Variants in RALYL observed in about 807,000 individuals in gnomAD.
RALYL encodes the protein RALY RNA binding protein like, also known as RNA-binding Raly-like protein.
Under a neutral mutation model 35.1 loss-of-function variants are expected in RALYL, and 29 were observed. The observed-to-expected ratio is 0.83, with a 90% CI of 0.61 to 1.13. The LOEUF (loss-of-function observed/expected upper bound fraction) is 1.13. Ranked by LOEUF, RALYL falls within the 50% of genes most tolerant of loss-of-function variation. The pLI, the probability that RALYL is intolerant of heterozygous loss-of-function variation, is 0.00. For missense variants in RALYL, 359 were observed against 360.4 expected (o/e 1.00, Z 0.03); for synonymous variants, 120 against 127.6 (o/e 0.94, Z 0.40).
chr8:84,340,564 T>C (rs185839234), intron 1 of RALYL, among the ~76,000 whole-genome samples: 3 of 152,262 alleles, frequency 2.0e-5, no homozygotes, highest in Admixed American at 1.3e-4. Flanking sequence ...CTTATTTTAC[T>C]TGGCATAATG....
At chr8:84,190,505 G>T (rs1012581154) in intron 1 of RALYL, among the ~76,000 whole-genome samples, 12 of 152,114 alleles carry the variant, frequency 7.9e-5, no homozygotes, top group African/African-American at 2.9e-4. Context: ...TTAAAGACTT[G>T]GTCATAAGTC....
intron 1 of RALYL, among the ~76,000 whole-genome samples, chr8:84,508,594 C>G (rs2057361489): frequency 6.6e-6 from 1 of 151,884 alleles, no homozygotes; most frequent in African/African-American, 2.4e-5. Context: ...GGCATATATG[C>G]TGATTATTAA....
intron 1 of RALYL, among the ~76,000 whole-genome samples, chr8:84,522,542 C>T (rs13264312): frequency 6.6e-6 from 1 of 151,794 alleles, no homozygotes; most frequent in Non-Finnish European, 1.5e-5. Flanking sequence ...AGCCACCGCG[C>T]CCGGCCTAGA....
At chr8:84,306,337 T>G (rs574691945) in intron 1 of RALYL, among the ~76,000 whole-genome samples, 1 of 152,290 alleles carries the variant, frequency 6.6e-6, no homozygotes, top group African/African-American at 2.4e-5. Flanking sequence ...GGAGGAGTAT[T>G]TCTGAAGTGA....
chr8:84,826,626 A>C (rs1586586797), intron 4 of RALYL, among the ~76,000 whole-genome samples: 2 of 152,034 alleles, frequency 1.3e-5, no homozygotes, highest in East Asian at 3.9e-4. Context: ...AGACAATCAA[A>C]TGTTGACATT....
At chr8:84,673,431 A>G (rs554674427) in intron 2 of RALYL, among the ~76,000 whole-genome samples, 120 of 152,064 alleles carry the variant, frequency 7.9e-4, no homozygotes, top group Middle Eastern at 3.4e-3. Context: ...TGTCTTTGTC[A>G]TGCAATTTTT....
intron 1 of RALYL, among the ~76,000 whole-genome samples, chr8:84,298,770 G>A (rs976486892): frequency 1.7e-4 from 26 of 151,574 alleles, no homozygotes; most frequent in African/African-American, 4.6e-4. Context: ...GAGATCTTTC[G>A]CCTCCCTGGT....
intron 1 of RALYL, among the ~76,000 whole-genome samples, chr8:84,430,894 A>T (rs2047069767): frequency 1.3e-5 from 2 of 152,132 alleles, no homozygotes; most frequent in South Asian, 4.1e-4. Flanking sequence ...AGTGCCTTCC[A>T]TACCGTCAAT....
intron 1 of RALYL, among the ~76,000 whole-genome samples, chr8:84,382,096 T>C (rs1858103433): frequency 1.3e-5 from 2 of 151,612 alleles, no homozygotes; most frequent in Non-Finnish European, 2.9e-5. Flanking sequence ...GATGTTTTCT[T>C]TCTCCTTTTA....
At chr8:84,229,044 G>A (rs1482387777) in intron 1 of RALYL, among the ~76,000 whole-genome samples, 2 of 152,152 alleles carry the variant, frequency 1.3e-5, no homozygotes, top group Non-Finnish European at 2.9e-5. Context: ...CTGCACCATT[G>A]CCATACTCAG....
intron 2 of RALYL, among the ~76,000 whole-genome samples, chr8:84,698,682 A>G (rs1839616759): frequency 6.6e-6 from 1 of 152,170 alleles, no homozygotes; most frequent in Non-Finnish European, 1.5e-5. Flanking sequence ...TCCAGAAAGA[A>G]GAAAGTAAGG....
chr8:84,218,264 A>G (rs1381396463), intron 1 of RALYL, among the ~76,000 whole-genome samples: 2 of 152,016 alleles, frequency 1.3e-5, no homozygotes, highest in African/African-American at 4.8e-5. Flanking sequence ...ACCTTATATA[A>G]TTGCAGAGAA....
At chr8:84,893,182 T>A (rs1844173194) in intron 8 of RALYL, among the ~76,000 whole-genome samples, 1 of 152,122 alleles carries the variant, frequency 6.6e-6, no homozygotes, top group African/African-American at 2.4e-5. Flanking sequence ...GGATGACAAA[T>A]TAGAGAAACG....
chr8:84,894,085 A>C (rs1186223363), intron 8 of RALYL, among the ~76,000 whole-genome samples: 2 of 152,210 alleles, frequency 1.3e-5, no homozygotes, highest in Non-Finnish European at 2.9e-5. Flanking sequence ...GACAACTGAA[A>C]GTAAACATTC....
intron 2 of RALYL, among the ~76,000 whole-genome samples, chr8:84,676,097 G>GA (rs1371034695): frequency 6.6e-6 from 1 of 152,074 alleles, no homozygotes; most frequent in East Asian, 1.9e-4. Flanking sequence ...AACAAGGCTG[G>GA]AAAAAATGGG....
intron 2 of RALYL, among the ~76,000 whole-genome samples, chr8:84,722,283 TA>T (rs915288667): frequency 4.0e-5 from 6 of 151,046 alleles, no homozygotes; most frequent in East Asian, 1.9e-4. Context: ...CTTGGTAATT[TA>T]AAAAAAAAGA....
chr8:84,687,541 TACAGTGACTTACTGCTTTA>T (rs1837069055), intron 2 of RALYL, among the ~76,000 whole-genome samples: 2 of 152,128 alleles, frequency 1.3e-5, no homozygotes, highest in South Asian at 4.1e-4. Context: ...ATCTAAGTTT[TACAGTGACTTACTGCTTTA>T]TATAGACAAG....
intron 4 of RALYL, among the ~76,000 whole-genome samples, chr8:84,811,301 T>G (rs2134098029): frequency 6.6e-6 from 1 of 152,296 alleles, no homozygotes; most frequent in East Asian, 1.9e-4. Flanking sequence ...ACAAAATTCT[T>G]GAATGATAAT....
chr8:84,807,107 CA>C (rs1177903205), intron 4 of RALYL, among the ~76,000 whole-genome samples: 3 of 152,166 alleles, frequency 2.0e-5, no homozygotes, highest in African/African-American at 7.2e-5. Flanking sequence ...GTGCGCCCAT[CA>C]CCCAAGCAGT....
Sources: allele counts gnomAD v4.1 joint callset (sites outside exome capture counted in the v4.1 genomes callset), GRCh38; gene constraint gnomAD v4.1.1; transcripts MANE v1.5; gene names NCBI Gene and HGNC (gene_info 2026-07-23, HGNC 2026-07-21).